The following NPHP4 variants were observed in gnomAD, a reference collection of about 807,000 sequenced individuals.
NPHP4 encodes the protein nephrocystin-4.
Under a neutral mutation model 155.8 loss-of-function variants are expected in NPHP4, and 151 were observed. The ratio of observed to expected loss-of-function variants is 0.97; its 90% CI spans 0.85 to 1.11. NPHP4 has a LOEUF of 1.11. Among genes scored for constraint, NPHP4 ranks in the 50% least tolerant of loss-of-function variants. The pLI is 0.00. For synonymous variants in NPHP4, 845 were observed against 816.8 expected (o/e 1.03, Z -0.59); for missense variants, 1,956 against 1,925.7 (o/e 1.02, Z -0.29).
intron 1 of NPHP4, among the ~76,000 whole-genome samples, chr1:5,988,977 C>T (rs946230703): frequency 6.6e-6 from 1 of 152,210 alleles, no homozygotes; most frequent in Non-Finnish European, 1.5e-5. Flanking sequence ...CCTTTTTGTT[C>T]TCTGTGGGCT....
Position 5,867,548 on chromosome 1 carries a change from G to A in NPHP4, c.3472+192C>T. The A allele has an allele frequency of 1.6e-6, 1 of 634,652 alleles. No homozygotes were observed. Among genetic ancestry groups the A allele is most frequent in the Non-Finnish European group, 2.7e-6 (1 of 370,428 alleles). 39.3% of individuals were successfully genotyped at this position (634,652 alleles called of 1,614,324 possible). A position where few individuals can be genotyped will look rare whatever the true frequency, so the allele number is the denominator to read the frequency against. On this transcript the variant is annotated intron_variant, in intron 24 of 29. Transcript: ENST00000378156. This position sits in a 1 kb window ranked among gnomAD's most constrained non-coding sequence, Gnocchi z 4.1. ...GACTCAGCCGGCAAATGCGCACCTA[G>A]TCATCTCAGAGGTGGCAAGAGGGAC...
At chr1:5,985,907 G>C (rs1655411577) in intron 2 of NPHP4, among the ~76,000 whole-genome samples, 1 of 152,190 alleles carries the variant, frequency 6.6e-6, no homozygotes, top group African/African-American at 2.4e-5. Flanking sequence ...CAGAACACTT[G>C]CATGTTCCTA....
At chr1:5,983,570 A>G (rs1655034952) in intron 2 of NPHP4, among the ~76,000 whole-genome samples, 1 of 152,184 alleles carries the variant, frequency 6.6e-6, no homozygotes, top group Non-Finnish European at 1.5e-5. Flanking sequence ...CTTCCCTCAG[A>G]CATCCCCCAT....
intron 1 of NPHP4, among the ~76,000 whole-genome samples, chr1:5,990,169 C>T (rs1185228549): frequency 1.3e-5 from 2 of 152,206 alleles, no homozygotes; most frequent in Admixed American, 6.5e-5. Context: ...AATGCTCCCT[C>T]CTCAGAGCGA....
Position 5,867,540 on chromosome 1 carries a change from C to A in NPHP4, c.3472+200G>T, listed in dbSNP as rs561823210. On this transcript the variant is annotated intron_variant, in intron 24 of 29. Transcript: ENST00000378156. This position sits in a 1 kb window ranked among gnomAD's most constrained non-coding sequence, Gnocchi z 4.1. Reference sequence around the variant, plus strand: ...GAAGGGCAGACTCAGCCGGCAAATGCGCACCTAGTCATCTCAGAGGTGGCA... The same window carrying A: ...GAAGGGCAGACTCAGCCGGCAAATGAGCACCTAGTCATCTCAGAGGTGGCA... The A allele has an allele frequency of 1.6e-6, 1 of 620,736 alleles. No individual in the cohort carries two copies. Among genetic ancestry groups the A allele is most frequent in the Admixed American group, 3.0e-5 (1 of 33,550 alleles). The allele number at this position is 620,736 out of a possible 1,614,324, so 38.5% of individuals were successfully genotyped here.
chr1:5,914,230 G>A (rs1431629217), intron 11 of NPHP4, among the ~76,000 whole-genome samples: 1 of 122,880 alleles, frequency 8.1e-6, no homozygotes, highest in Non-Finnish European at 1.6e-5. Context: ...AGATTAGCCT[G>A]GGCAACATGG....
At chr1:5,914,810 G>A (rs1645378044) in intron 11 of NPHP4, among the ~76,000 whole-genome samples, 1 of 152,204 alleles carries the variant, frequency 6.6e-6, no homozygotes, top group African/African-American at 2.4e-5. Context: ...CAGGACACAT[G>A]CATGGAGGCC....
chr1:5,981,394 C>T (rs1346467986), intron 2 of NPHP4, among the ~76,000 whole-genome samples: 1 of 152,136 alleles, frequency 6.6e-6, no homozygotes, highest in African/African-American at 2.4e-5. Context: ...CCTAACATAT[C>T]GTGGTGCCCA....
chr1:5,905,066 G>T lies in NPHP4; in HGVS notation c.1955+226C>A, dbSNP rs956436795. Among the ~76,000 whole-genome samples the T allele has an allele frequency of 6.6e-6, 1 of 152,156 alleles. No individual in the cohort carries two copies. The highest frequency in any genetic ancestry group is 1.5e-5 in the Non-Finnish European group (1 of 68,036). Reference sequence around the variant, plus strand: ...AGATCTAAGACCTGGACAACCCACCGTCCACATTTTAATGAAGGACCACAA... The same window carrying T: ...AGATCTAAGACCTGGACAACCCACCTTCCACATTTTAATGAAGGACCACAA... On this transcript the variant is annotated intron_variant, in intron 15 of 29. Transcript: ENST00000378156. This position sits in a 1 kb window ranked among gnomAD's most constrained non-coding sequence, Gnocchi z 4.0.
intron 10 of NPHP4, among the ~76,000 whole-genome samples, chr1:5,932,658 A>AT (rs1383247359): frequency 3.4e-5 from 5 of 145,276 alleles, no homozygotes; most frequent in African/African-American, 1.3e-4. Flanking sequence ...TCATTTCAGA[A>AT]TTAAAAAAAA....
intron 7 of NPHP4, among the ~76,000 whole-genome samples, chr1:5,948,799 G>T (rs968021244): frequency 2.0e-5 from 3 of 152,208 alleles, no homozygotes; most frequent in African/African-American, 7.2e-5. Context: ...TAGGCACTAA[G>T]TCATAAACCA....
chr1:5,962,415 A>G (rs1240174746), intron 5 of NPHP4, among the ~76,000 whole-genome samples: 1 of 152,128 alleles, frequency 6.6e-6, no homozygotes, highest in Non-Finnish European at 1.5e-5. Flanking sequence ...CTGAGAGCAC[A>G]GACAGGCACA....
At position 5,892,710 on chromosome 1, in the gene NPHP4, C is replaced by A. The variant is rs556134588; in HGVS notation, c.2144-1682G>T. On this transcript the variant is annotated intron_variant, in intron 16 of 29. Transcript: ENST00000378156. This position sits in a 1 kb window ranked among gnomAD's most constrained non-coding sequence, Gnocchi z 4.5. ...AGCCTCAGACCTCTCCCCTCCCTGT[C>A]CAGCTGAGACAAGTGGCTCCTCCGT... is the stretch of plus-strand genomic sequence containing the variant. Among the ~76,000 whole-genome samples the A allele has an allele frequency of 4.3e-4, 65 of 152,176 alleles. No individual in the cohort carries two copies. The highest frequency in any genetic ancestry group is 1.5e-3 in the African/African-American group (62 of 41,490).
Position 5,867,527 on chromosome 1 carries a change from C to T in NPHP4, c.3472+213G>A. 1 of 606,548 alleles carries T rather than the reference C, an allele frequency of 1.6e-6. No individual in the cohort carries two copies. The highest frequency in any genetic ancestry group is 2.9e-6 in the Non-Finnish European group (1 of 346,708). 37.6% of individuals were successfully genotyped at this position (606,548 alleles called of 1,614,324 possible). The stretch of plus-strand genomic sequence containing the variant: ...CTGGGATTTTTTAGAAGGGCAGACT[C>T]AGCCGGCAAATGCGCACCTAGTCAT... On this transcript the variant is annotated intron_variant, in intron 24 of 29. Coordinates refer to ENST00000378156, the MANE Select transcript of NPHP4 (RefSeq NM_015102.5). This position sits in a 1 kb window ranked among gnomAD's most constrained non-coding sequence, Gnocchi z 4.1.
In NPHP4 at chr1:5,887,476, A is replaced by C. The variant is rs571564855; in HGVS notation, c.2305-10T>G. On this transcript the variant is annotated splice_polypyrimidine_tract_variant and intron_variant, in intron 17 of 29. Coordinates refer to ENST00000378156, the MANE Select transcript of NPHP4 (RefSeq NM_015102.5). ...CTTGGCGGAGGAGATGCTGCAGAAG[A>C]GAAAAGCGCGTTCAGAGGCTGGAGC... 22 of 1,612,368 alleles carry C rather than the reference A, an allele frequency of 1.4e-5. No individual in the cohort carries two copies. In the South Asian group the frequency reaches 2.1e-4, roughly 15 times the overall value.
chr1:5,863,126 C>T lies in NPHP4; in HGVS notation c.*139G>A. On this transcript the variant is annotated 3_prime_UTR_variant, in exon 30 of 30. Coordinates refer to ENST00000378156, the MANE Select transcript of NPHP4 (RefSeq NM_015102.5). ...AATGACCAGCGCTCGGTCTCTGCTT[C>T]CTCAGCCAAGTGCACAGGTCAGCCA... is the stretch of plus-strand genomic sequence containing the variant. 1.1e-6 allele frequency: 1 copy of T among 872,216 alleles called. No homozygotes were observed. The allele number at this position is 872,216 out of a possible 1,614,324, so 54.0% of individuals were successfully genotyped here.
intron 7 of NPHP4, among the ~76,000 whole-genome samples, chr1:5,951,630 A>C (rs920982606): frequency 6.6e-6 from 1 of 152,258 alleles, no homozygotes; most frequent in African/African-American, 2.4e-5. Flanking sequence ...TGCTGGCGAC[A>C]GAAGAGCCAG....
chr1:5,862,925 C>A lies in NPHP4; in HGVS notation c.*340G>T. ...TTTGTACAAAATCCAGTAAGAAAAA[C>A]ATAATTTTCTCATTTAGGATGATTC... On this transcript the variant is annotated 3_prime_UTR_variant, in exon 30 of 30. Transcript: ENST00000378156. The A allele has an allele frequency of 3.4e-6, 1 of 298,154 alleles. No homozygotes were observed. Among genetic ancestry groups the A allele is most frequent in the South Asian group, 6.3e-5 (1 of 15,796 alleles). 18.5% of individuals were successfully genotyped at this position (298,154 alleles called of 1,614,324 possible).
At chr1:5,980,561 C>T (rs1010262560) in intron 2 of NPHP4, among the ~76,000 whole-genome samples, 7 of 151,880 alleles carry the variant, frequency 4.6e-5, no homozygotes, top group African/African-American at 1.7e-4. Flanking sequence ...CATGTGGGGG[C>T]GGGAGTGGAA....
Sources: gnomAD v4.1 joint callset for allele counts (sites outside exome capture counted in the v4.1 genomes callset) on GRCh38, gnomAD v4.1.1 for gene constraint, Gnocchi (gnomAD v3.1) non-coding constraint, MANE v1.5 for transcripts, NCBI Gene and HGNC (gene_info 2026-07-23, HGNC 2026-07-21) for gene names.